PLXNC1: variants seen among roughly 807,000 people sequenced by gnomAD.
PLXNC1 encodes plexin-C1.
In PLXNC1, 75 loss-of-function variants were observed where a neutral mutation model predicts 178.2. The observed-to-expected ratio is 0.42, with a 90% CI of 0.35 to 0.51. PLXNC1 has a LOEUF of 0.51. Ranked by LOEUF, PLXNC1 falls within the 20% of genes least tolerant of loss-of-function variation. The pLI, the probability that PLXNC1 is intolerant of heterozygous loss-of-function variation, is 0.02. For missense variants in PLXNC1, 1,503 were observed against 1,984.4 expected, an observed-to-expected ratio of 0.76 and a Z score of 4.61; for synonymous variants, 790 against 779.9, an observed-to-expected ratio of 1.01 and a Z score of -0.22.
intron 9 of PLXNC1, among the ~76,000 whole-genome samples, chr12:94,229,580 A>G (rs11107463): frequency 0.33 from 49,652 of 152,058 alleles, 8,280 homozygotes; most frequent in East Asian, 0.43. Context: ...TATATATGGC[A>G]TAAGAAATGG....
chr12:94,162,590 C>T (rs560497349), intron 1 of PLXNC1, among the ~76,000 whole-genome samples: 1 of 152,242 alleles, frequency 6.6e-6, no homozygotes, highest in African/African-American at 2.4e-5. Flanking sequence ...CACCAAGAGA[C>T]TCTTGCACTA....
chr12:94,229,391 A>G (rs993378959), intron 9 of PLXNC1, among the ~76,000 whole-genome samples: 14 of 152,232 alleles, frequency 9.2e-5, no homozygotes, highest in African/African-American at 3.1e-4. Context: ...TGTAATACAC[A>G]GAGTTTTTAA....
chr12:94,303,807 G>C lies in PLXNC1; in HGVS notation c.4438G>C (p.Glu1480Gln), dbSNP rs746130238. Residue 1480 changes from glutamate to glutamine, a missense_variant, in exon 29 of 31, where the codon GAA (glutamate) becomes CAA (glutamine). This residue lies in a region of PLXNC1 where 639 missense variants were observed against 979.7 expected (regional missense o/e 0.65). Transcript: ENST00000258526. ...LYAKDIPTYK[E>Q]EVKSYYKAIR... The stretch of plus-strand genomic sequence containing the variant: ...TGCCAAGGATATCCCAACCTACAAA[G>C]AAGAAGTAAAATCTTATTACAAAGC... The C allele has an allele frequency of 6.6e-7, 1 of 1,514,450 alleles. No homozygotes were observed. The highest frequency in any genetic ancestry group is 8.9e-7 in the Non-Finnish European group (1 of 1,125,106). 93.8% of individuals were successfully genotyped at this position (1,514,450 alleles called of 1,614,324 possible).
At chr12:94,243,252 T>A (rs2136055642) in intron 11 of PLXNC1, among the ~76,000 whole-genome samples, 1 of 152,354 alleles carries the variant, frequency 6.6e-6, no homozygotes, top group South Asian at 2.1e-4. Context: ...CCCAGGCTCT[T>A]GTCCCCTAGA....
chr12:94,177,215 GTGTGTATATATATACATA>G lies in PLXNC1; in HGVS notation c.1204-4229_1204-4212del, dbSNP rs1565794493. Among the ~76,000 whole-genome samples the G allele has an allele frequency of 1.6e-3, 89 of 56,386 alleles. 1 individual carries two copies. The highest frequency in any genetic ancestry group is 0.011 in the African/African-American group (82 of 7,508). The allele number at this position is 56,386 out of a possible 152,430, so 37.0% of individuals were successfully genotyped here. A position where few individuals can be genotyped will look rare whatever the true frequency, so the allele number is the denominator to read the frequency against. ...TATATATATACGTATATATATATGT[GTGTGTATATATATACATA>G]TATATATATATATATATATGTATAT... On this transcript the variant is annotated intron_variant, in intron 2 of 30. Coordinates refer to ENST00000258526, the MANE Select transcript of PLXNC1 (RefSeq NM_005761.3).
chr12:94,165,169 AAGAG>A (rs1473353591), intron 1 of PLXNC1, among the ~76,000 whole-genome samples: 1 of 152,204 alleles, frequency 6.6e-6, no homozygotes, highest in African/African-American at 2.4e-5. Context: ...GCCCGAAAAA[AAGAG>A]AGAAAGAATA....
chr12:94,156,452 G>A (rs1024928482), intron 1 of PLXNC1, among the ~76,000 whole-genome samples: 4 of 148,746 alleles, frequency 2.7e-5, no homozygotes, highest in Non-Finnish European at 3.0e-5. Flanking sequence ...TATGCCTCAG[G>A]CCTGCCTTGA....
At chr12:94,292,479 A>C (rs1186433114) in intron 23 of PLXNC1, among the ~76,000 whole-genome samples, 1 of 152,258 alleles carries the variant, frequency 6.6e-6, no homozygotes, top group Admixed American at 6.5e-5. Flanking sequence ...CTTTTATTAA[A>C]AAGTATATGC....
At chr12:94,186,173 C>G (rs1962501497) in intron 3 of PLXNC1, 200 bp from the exon 4 acceptor site, 1 of 527,894 alleles carries the variant, frequency 1.9e-6, no homozygotes, top group Admixed American at 3.1e-5. Flanking sequence ...TGGGAATACG[C>G]ACTGTCAAAA....
chr12:94,165,033 C>A (rs1030575849), intron 1 of PLXNC1, among the ~76,000 whole-genome samples: 1 of 152,154 alleles, frequency 6.6e-6, no homozygotes, highest in African/African-American at 2.4e-5. Context: ...AACCTTGTTA[C>A]ACACAGACGA....
At chr12:94,229,525 TG>T (rs1964032875) in intron 9 of PLXNC1, among the ~76,000 whole-genome samples, 3 of 152,266 alleles carry the variant, frequency 2.0e-5, no homozygotes, top group Admixed American at 1.3e-4. Flanking sequence ...TGTAAAGGTC[TG>T]TAGCACTTAT....
intron 21 of PLXNC1, among the ~76,000 whole-genome samples, chr12:94,276,420 C>A (rs1344367811): frequency 7.3e-6 from 1 of 136,642 alleles, no homozygotes; most frequent in Non-Finnish European, 1.5e-5. Flanking sequence ...ACAGCCTGAG[C>A]TAAGCCAGGG....
At chr12:94,258,624 G>A (rs1018616349) in intron 17 of PLXNC1, among the ~76,000 whole-genome samples, 12 of 152,162 alleles carry the variant, frequency 7.9e-5, no homozygotes, top group African/African-American at 2.9e-4. Context: ...GAAACCAGTG[G>A]GGTGATAGCA....
chr12:94,194,137 G>T (rs563336612), intron 4 of PLXNC1, among the ~76,000 whole-genome samples: 1 of 152,184 alleles, frequency 6.6e-6, no homozygotes, highest in African/African-American at 2.4e-5. Context: ...CAGGAGGAAA[G>T]GGGGGTTGGG....
chr12:94,292,870 T>G (rs1190132739), intron 23 of PLXNC1, among the ~76,000 whole-genome samples: 2 of 152,252 alleles, frequency 1.3e-5, no homozygotes, highest in Non-Finnish European at 2.9e-5. Flanking sequence ...ATGCTCAACC[T>G]GTATATACCT....
Position 94,251,464 on chromosome 12 carries a change from G to A in PLXNC1, c.2817G>A (p.Glu939=), listed in dbSNP as rs1268146172. Residue 939 remains glutamate, a synonymous_variant, in exon 15 of 31, where the codon GAG becomes GAA. Coordinates refer to ENST00000258526, the MANE Select transcript of PLXNC1 (RefSeq NM_005761.3). ...LGNLELYVEQ[E]SVPSTWYFLI... is the part of the protein sequence containing the mutation. Reference sequence around the variant, plus strand: ...ACCTGGAGCTCTACGTCGAGCAGGAGTCAGTTCCTTCCACATGGTATTTTC... The same window carrying A: ...ACCTGGAGCTCTACGTCGAGCAGGAATCAGTTCCTTCCACATGGTATTTTC... 3 of 1,613,792 alleles carry A rather than the reference G, an allele frequency of 1.9e-6. No homozygotes were observed. Among genetic ancestry groups the A allele is most frequent in the Non-Finnish European group, 2.5e-6 (3 of 1,179,634 alleles).
chr12:94,250,738 G>T (rs1184889177), intron 14 of PLXNC1, among the ~76,000 whole-genome samples: 1 of 152,170 alleles, frequency 6.6e-6, no homozygotes, highest in Non-Finnish European at 1.5e-5. Flanking sequence ...AAAATAGGAT[G>T]CCAGGTACAG....
chr12:94,259,031 ACC>A (rs1195186664), intron 17 of PLXNC1, among the ~76,000 whole-genome samples: 1 of 152,176 alleles, frequency 6.6e-6, no homozygotes, highest in Non-Finnish European at 1.5e-5. Context: ...TTCATCAATG[ACC>A]CCTTCTTTAA....
In PLXNC1 at chr12:94,306,823, CCCT is replaced by C. The variant is rs1328540430; in HGVS notation, c.*1539_*1541del. 1 of 152,172 alleles carries C rather than the reference CCCT, an allele frequency of 6.6e-6. No homozygotes were observed. Among genetic ancestry groups the C allele is most frequent in the Non-Finnish European group, 1.5e-5 (1 of 68,040 alleles). 9.4% of individuals were successfully genotyped at this position (152,172 alleles called of 1,614,324 possible). On this transcript the variant is annotated 3_prime_UTR_variant, in exon 31 of 31. Transcript: ENST00000258526. ...GATCAGAGAAAATAAGCAGTTACTA[CCCT>C]GATAGGCACCTTCCCAATCCTGTTG...
Sources: gnomAD v4.1 joint callset for allele counts (sites outside exome capture counted in the v4.1 genomes callset) on GRCh38, gnomAD v4.1.1 for gene constraint, gnomAD v4.1.1 regional missense constraint, MANE v1.5 for transcripts, NCBI Gene and HGNC (gene_info 2026-07-23, HGNC 2026-07-21) for gene names.